The following ZFHX4 variants were observed in gnomAD, a reference collection of about 807,000 sequenced individuals.
ZFHX4 encodes the protein zinc finger homeobox 4, also known as zinc finger homeobox protein 4.
Under a neutral mutation model 267.6 loss-of-function variants are expected in ZFHX4, and 56 were observed. The ratio of observed to expected loss-of-function variants is 0.21; its 90% CI spans 0.17 to 0.26. The LOEUF (loss-of-function observed/expected upper bound fraction) is 0.26, where lower values mean the gene tolerates loss of function less well. ZFHX4 is among the 10% of genes least tolerant of loss of function. The pLI is 1.00. For synonymous variants in ZFHX4, 1,778 were observed against 1,665.6 expected (o/e 1.07, Z -1.64); for missense variants, 4,332 against 4,420.0 (o/e 0.98, Z 0.56).
chr8:76,708,789 C>G (rs1808346952), intron 3 of ZFHX4, among the ~76,000 whole-genome samples: 1 of 151,948 alleles, frequency 6.6e-6, no homozygotes, highest in African/African-American at 2.4e-5. Flanking sequence ...TTTTCTAAAC[C>G]CTAATTACTG....
chr8:76,734,944 A>G (rs1809118044), intron 3 of ZFHX4, among the ~76,000 whole-genome samples: 1 of 152,168 alleles, frequency 6.6e-6, no homozygotes, highest in Admixed American at 6.6e-5. Flanking sequence ...CATTCTTCAG[A>G]CATACACAAA....
chr8:76,837,506 A>C (rs1472790718), intron 5 of ZFHX4, among the ~76,000 whole-genome samples: 1 of 151,914 alleles, frequency 6.6e-6, no homozygotes, highest in African/African-American at 2.4e-5. Flanking sequence ...AAAAAAAAAA[A>C]ACCAAAGCCA....
chr8:76,751,656 T>C (rs1809616808), intron 3 of ZFHX4, among the ~76,000 whole-genome samples: 1 of 152,204 alleles, frequency 6.6e-6, no homozygotes, highest in African/African-American at 2.4e-5. Context: ...TGAGATAAAA[T>C]AGTAATTTTC....
At chr8:76,828,385 A>C (rs1165209611) in intron 4 of ZFHX4, among the ~76,000 whole-genome samples, 1 of 152,076 alleles carries the variant, frequency 6.6e-6, no homozygotes, top group Non-Finnish European at 1.5e-5. Context: ...GGAGTCAGAC[A>C]CTCATTCAAA....
chr8:76,756,118 A>T (rs892794865), intron 3 of ZFHX4, among the ~76,000 whole-genome samples: 10 of 152,326 alleles, frequency 6.6e-5, no homozygotes, highest in African/African-American at 2.4e-4. Context: ...CAGTTGTCTT[A>T]GTGCTTGTTG....
At chr8:76,744,974 A>T (rs754526574) in intron 3 of ZFHX4, among the ~76,000 whole-genome samples, 2 of 152,144 alleles carry the variant, frequency 1.3e-5, no homozygotes, top group African/African-American at 2.4e-5. Flanking sequence ...TCTTCTTGTG[A>T]TGCCCAAGTC....
In ZFHX4 at chr8:76,855,032, A is replaced by G. The variant is rs1461991835; in HGVS notation, c.8111A>G (p.Gln2704Arg). 6.2e-7 allele frequency: 1 copy of G among 1,613,888 alleles called. No homozygotes were observed. The highest frequency in any genetic ancestry group is 2.2e-5 in the East Asian group (1 of 44,858). ...TCTCGGCACTGGAATGAAGGAAAGC[A>G]GGCAGGTTACAGCTTGCCACCAAGC... ...IRSRHWNEGK[Q>R]AGYSLPPSPL... The change falls in exon 10 of 11, where the codon CAG (glutamine) becomes CGG (arginine). Residue 2704 changes from glutamine to arginine, a missense_variant. Coordinates refer to ENST00000651372, the MANE Select transcript of ZFHX4 (RefSeq NM_024721.5).
chr8:76,823,856 A>G (rs1811717175), intron 4 of ZFHX4, among the ~76,000 whole-genome samples: 2 of 152,228 alleles, frequency 1.3e-5, no homozygotes, highest in African/African-American at 4.8e-5. Flanking sequence ...TCTCCCATGT[A>G]TACAATTGTA....
intron 6 of ZFHX4, among the ~76,000 whole-genome samples, chr8:76,847,215 T>C (rs1812386064): frequency 6.6e-6 from 1 of 152,152 alleles, no homozygotes; most frequent in Non-Finnish European, 1.5e-5. Flanking sequence ...TATTCCAAAG[T>C]ATATTCAGCT....
intron 4 of ZFHX4, among the ~76,000 whole-genome samples, chr8:76,794,714 C>G (rs955531035): frequency 1.3e-5 from 2 of 152,058 alleles, no homozygotes; most frequent in African/African-American, 4.8e-5. Context: ...ACAAAACTAT[C>G]TACTCAAAAA....
chr8:76,849,645 A>G lies in ZFHX4; in HGVS notation c.3779A>G (p.His1260Arg), dbSNP rs1221581304. 6 of 1,613,820 alleles carry G rather than the reference A, an allele frequency of 3.7e-6. No homozygotes were observed. Among genetic ancestry groups the G allele is most frequent in the African/African-American group, 1.3e-5 (1 of 74,918 alleles). The change falls in exon 8 of 11, where the codon CAT becomes CGT. Residue 1260 changes from histidine (H) to arginine (R), a missense_variant. Physicochemically the swap from His to Arg is conservative, Grantham distance 29. Around this residue, in one of 7 missense-constraint regions of ZFHX4, gnomAD observed 1,371 missense variants for 1,423.1 expected, o/e 0.96. Coordinates refer to ENST00000651372, the MANE Select transcript of ZFHX4 (RefSeq NM_024721.5). ...LCQDVLSNKM[H>R]LQLHLTHLHS... ...CAGGACGTCCTCAGCAACAAAATGC[A>G]TCTCCAACTGCATCTGACGCATTTG...
At chr8:76,778,828 A>G (rs191727525) in intron 4 of ZFHX4, among the ~76,000 whole-genome samples, 26 of 152,334 alleles carry the variant, frequency 1.7e-4, no homozygotes, top group Admixed American at 6.5e-4. Flanking sequence ...ACAGGACTGT[A>G]AAACATTCTG....
chr8:76,795,396 C>T (rs1364657241), intron 4 of ZFHX4, among the ~76,000 whole-genome samples: 1 of 152,046 alleles, frequency 6.6e-6, no homozygotes, highest in East Asian at 1.9e-4. Context: ...GCCTAAGCCA[C>T]CTGAGTAGCT....
intron 3 of ZFHX4, among the ~76,000 whole-genome samples, chr8:76,776,622 G>C (rs143624198): frequency 4.4e-4 from 67 of 152,250 alleles, no homozygotes; most frequent in African/African-American, 1.5e-3. Context: ...TTTGTTTGCT[G>C]AGGTTAAGTA....
intron 3 of ZFHX4, among the ~76,000 whole-genome samples, chr8:76,768,737 ATAGGTTTGGAGAGAAAGGTCATTGT>A (rs1332487187): frequency 2.0e-5 from 3 of 152,144 alleles, no homozygotes; most frequent in Non-Finnish European, 4.4e-5. Flanking sequence ...GACATGCAGT[ATAGGTTTGGAGAGAAAGGTCATTGT>A]TAGGAATCTT....
At chr8:76,798,371 T>C (rs566549657) in intron 4 of ZFHX4, among the ~76,000 whole-genome samples, 1 of 152,306 alleles carries the variant, frequency 6.6e-6, no homozygotes, top group East Asian at 1.9e-4. Flanking sequence ...CACTAATGTA[T>C]GTAAATTAAA....
At chr8:76,859,665 T>C (rs1266998291) in intron 10 of ZFHX4, among the ~76,000 whole-genome samples, 1 of 152,148 alleles carries the variant, frequency 6.6e-6, no homozygotes, top group African/African-American at 2.4e-5. Context: ...ACATGCCTTT[T>C]GCATTTTTCT....
At chr8:76,831,647 C>T (rs776615175) in intron 4 of ZFHX4, among the ~76,000 whole-genome samples, 2 of 152,094 alleles carry the variant, frequency 1.3e-5, no homozygotes, top group Non-Finnish European at 2.9e-5. Flanking sequence ...CAAAATTTAT[C>T]GGGGAAACAT....
intron 3 of ZFHX4, among the ~76,000 whole-genome samples, chr8:76,732,837 C>A (rs1310548240): frequency 6.6e-6 from 1 of 152,068 alleles, no homozygotes. Context: ...TCAGTCTTTC[C>A]TTTCAGAATA....
Sources: gnomAD v4.1 joint callset for allele counts (sites outside exome capture counted in the v4.1 genomes callset) on GRCh38, gnomAD v4.1.1 for gene constraint, gnomAD v4.1.1 regional missense constraint, MANE v1.5 for transcripts, NCBI Gene and HGNC (gene_info 2026-07-23, HGNC 2026-07-21) for gene names.